Variants in CYP3A4 observed in about 807,000 individuals in gnomAD.
CYP3A4 encodes the protein cytochrome P450 3A4.
CYP3A4 carries 41 observed loss-of-function variants against 54.9 expected under a neutral mutation model. The observed-to-expected ratio is 0.75, with a 90% CI of 0.58 to 0.97. CYP3A4 has a LOEUF of 0.97. Among genes scored for constraint, CYP3A4 ranks in the 50% least tolerant of loss-of-function variants. The pLI, the probability that CYP3A4 is intolerant of heterozygous loss-of-function variation, is 0.00. For synonymous variants in CYP3A4, 179 were observed against 205.2 expected (o/e 0.87, Z 1.09); for missense variants, 510 against 597.3 (o/e 0.85, Z 1.52).
intron 2 of CYP3A4, among the ~76,000 whole-genome samples, chr7:99,779,228 T>TA (rs4646436): frequency 0.023 from 3,384 of 148,364 alleles, 340 homozygotes; most frequent in Admixed American, 0.17. Flanking sequence ...CGCCTTTGTG[T>TA]AAAAAAAAAA....
At chr7:99,769,665 G>A (rs1035064440) in intron 6 of CYP3A4, 103 bp downstream of exon 6, 1 of 1,386,688 alleles carries the variant, frequency 7.2e-7, no homozygotes, top group East Asian at 2.3e-5. Context: ...CCCTCCTTTT[G>A]TCTGGTCACT....
intron 9 of CYP3A4, 129 bp from the exon 10 acceptor site, chr7:99,764,144 C>T: frequency 7.4e-7 from 1 of 1,354,266 alleles, no homozygotes; most frequent in South Asian, 1.3e-5. Flanking sequence ...TTCAGAGGTA[C>T]ACTGGGGGTG....
intron 3 of CYP3A4, among the ~76,000 whole-genome samples, chr7:99,775,873 A>G (rs1285960481): frequency 6.6e-6 from 1 of 152,250 alleles, no homozygotes; most frequent in Admixed American, 6.5e-5. Flanking sequence ...GCTTCTACAC[A>G]GCAAAAGAAA....
rs184241128 is a variant in CYP3A4, at chr7:99,761,461, T to C, written c.1254-480A>G. 1.5e-3 allele frequency among the ~76,000 whole-genome samples: 221 copies of C among 152,164 alleles called. 1 individual carries two copies. The highest frequency in any genetic ancestry group is 6.8e-3 in the Middle Eastern group (2 of 294). ...TTTCTAATTCTCCTCCTTCTCCTCCTTACCTTGTCTTCTCCCTCCTTCTCC... is the reference window on the plus strand; with the variant it reads ...TTTCTAATTCTCCTCCTTCTCCTCCCTACCTTGTCTTCTCCCTCCTTCTCC... On this transcript the variant is annotated intron_variant, in intron 11 of 12. Transcript: ENST00000651514.
rs779683816 is a variant in CYP3A4 at position 99,778,095 on chromosome 7, A to G, written c.166-15T>C. Reference sequence around the variant, plus strand: ...ATACAAAAGCCCTGGGAGGAGAAACAAAATAATATTTGATTATTATTTTTA... The same window carrying G: ...ATACAAAAGCCCTGGGAGGAGAAACGAAATAATATTTGATTATTATTTTTA... On this transcript the variant is annotated splice_polypyrimidine_tract_variant and intron_variant, in intron 2 of 12. Coordinates refer to ENST00000651514, the MANE Select transcript of CYP3A4 (RefSeq NM_017460.6). 10 of 1,600,794 alleles carry G rather than the reference A, an allele frequency of 6.2e-6. No homozygotes were observed. The Admixed American group carries it at 1.5e-4, about 24-fold the overall frequency.
Position 99,767,904 on chromosome 7 carries a change from C to CA in CYP3A4, c.670+449dup, listed in dbSNP as rs34088317. Among the ~76,000 whole-genome samples, 802 of 151,944 alleles carry CA rather than the reference C, an allele frequency of 5.3e-3. 1 individual carries two copies. Among genetic ancestry groups the CA allele is most frequent in the Non-Finnish European group, 7.2e-3 (490 of 67,960 alleles). ...GCTGTAATGTCTAAATTTAGAGGAA[C>CA]AAAAAAATCACAAATCAGTAATCTA... On this transcript the variant is annotated intron_variant, in intron 7 of 12. Coordinates refer to ENST00000651514, the MANE Select transcript of CYP3A4 (RefSeq NM_017460.6).
chr7:99,783,371 G>T (rs1815974713), intron 1 of CYP3A4, among the ~76,000 whole-genome samples: 1 of 152,106 alleles, frequency 6.6e-6, no homozygotes, highest in Non-Finnish European at 1.5e-5. Context: ...GGAGAAGCCA[G>T]GTTTCCACAG....
At chr7:99,761,812 T>C (rs982341975) in intron 11 of CYP3A4, among the ~76,000 whole-genome samples, 2 of 152,226 alleles carry the variant, frequency 1.3e-5, no homozygotes, top group Non-Finnish European at 2.9e-5. Flanking sequence ...ACATAACTGA[T>C]GACCTTCATC....
intron 3 of CYP3A4, 136 bp from the exon 4 acceptor site, chr7:99,772,825 G>T: frequency 1.1e-6 from 1 of 871,828 alleles, no homozygotes; most frequent in Non-Finnish European, 1.8e-6. Flanking sequence ...TTAGGTTCTA[G>T]TTCATTAGGT....
intron 1 of CYP3A4, 108 bp downstream of exon 1, chr7:99,783,903 C>T: frequency 3.8e-6 from 5 of 1,325,776 alleles, no homozygotes; most frequent in Admixed American, 1.7e-5. Flanking sequence ...GCCACCACGC[C>T]CGGCCTGAAC....
chr7:99,758,852 T>A (rs1235366486), intron 12 of CYP3A4, among the ~76,000 whole-genome samples: 1 of 152,180 alleles, frequency 6.6e-6, no homozygotes, highest in Non-Finnish European at 1.5e-5. Context: ...TCTCTTGGCT[T>A]CCAAGGGTAG....
At chr7:99,763,627 T>C (rs1815396854) in intron 10 of CYP3A4, among the ~76,000 whole-genome samples, 1 of 152,204 alleles carries the variant, frequency 6.6e-6, no homozygotes, top group Admixed American at 6.5e-5. Flanking sequence ...ATTGTAGTAA[T>C]AGAAAGCAGA....
chr7:99,762,231 A>G lies in CYP3A4; in HGVS notation c.1063T>C (p.Tyr355His), dbSNP rs1462817145. Residue 355 changes from tyrosine to histidine, a missense_variant, in exon 11 of 13, where the codon TAT becomes CAT. Tyr to His is a moderately conservative substitution (Grantham distance 83, BLOSUM62 2). Coordinates refer to ENST00000651514, the MANE Select transcript of CYP3A4 (RefSeq NM_017460.6). ...PTYDTVLQMEYLDMVVNETLR... is the reference protein window; with the variant it reads ...PTYDTVLQMEHLDMVVNETLR... ...GTTTCATTCACCACCATGTCAAGATACTCCATCTGTAGCACAGTATCATAG... is the reference window on the plus strand; with the variant it reads ...GTTTCATTCACCACCATGTCAAGATGCTCCATCTGTAGCACAGTATCATAG... 1 of 1,613,984 alleles carries G rather than the reference A, an allele frequency of 6.2e-7. No homozygotes were observed. The highest frequency in any genetic ancestry group is 1.7e-5 in the Admixed American group (1 of 60,010).
intron 3 of CYP3A4, among the ~76,000 whole-genome samples, chr7:99,774,245 C>A (rs1815701981): frequency 6.6e-6 from 1 of 152,144 alleles, no homozygotes; most frequent in African/African-American, 2.4e-5. Flanking sequence ...GGATTCACAG[C>A]TGAATTCTAC....
intron 3 of CYP3A4, among the ~76,000 whole-genome samples, chr7:99,775,442 T>C (rs1374460098): frequency 2.0e-5 from 3 of 152,076 alleles, no homozygotes; most frequent in Non-Finnish European, 4.4e-5. Context: ...CTTCAAATTA[T>C]ACTAAAAGGC....
chr7:99,782,345 T>A (rs929027800), intron 1 of CYP3A4, among the ~76,000 whole-genome samples: 2 of 152,110 alleles, frequency 1.3e-5, no homozygotes, highest in African/African-American at 4.8e-5. Flanking sequence ...GGTAGAGTAA[T>A]GCTGCTTTTG....
intron 8 of CYP3A4, chr7:99,766,772 C>T (rs1296603509): frequency 2.6e-6 from 1 of 382,354 alleles, no homozygotes; most frequent in African/African-American, 2.1e-5. Context: ...AATTTATGAT[C>T]TGGGGAAAGC....
intron 6 of CYP3A4, chr7:99,769,489 C>T (rs1465502258): frequency 2.3e-6 from 1 of 427,600 alleles, no homozygotes; most frequent in African/African-American, 2.0e-5. Flanking sequence ...ACTTTTTCCC[C>T]CTAAAGGATA....
chr7:99,784,157 A>T lies in CYP3A4; in HGVS notation c.-76T>A. ...TGTTGCTCTTTGCTGGGCTATGTGC[A>T]TGGAGCTTTCCTGCCCTGCACAGCA... is the stretch of plus-strand genomic sequence containing the variant. On this transcript the variant is annotated 5_prime_UTR_variant, in exon 1 of 13. It removes an upstream start codon present in the reference 5' UTR. Transcript: ENST00000651514. 1.4e-6 allele frequency: 2 copies of T among 1,390,220 alleles called. No individual in the cohort carries two copies. The highest frequency in any genetic ancestry group is 3.4e-5 in the Admixed American group (2 of 58,908). The allele number at this position is 1,390,220 out of a possible 1,614,324, so 86.1% of individuals were successfully genotyped here.
Sources: allele counts gnomAD v4.1 joint callset (sites outside exome capture counted in the v4.1 genomes callset), GRCh38; gene constraint gnomAD v4.1.1; transcripts MANE v1.5; gene names NCBI Gene and HGNC (gene_info 2026-07-23, HGNC 2026-07-21).